MAF: variants seen among roughly 807,000 people sequenced by gnomAD.
The protein encoded by MAF is MAF bZIP transcription factor.
MAF carries 10 observed loss-of-function variants against 22.0 expected under a neutral mutation model. The observed-to-expected ratio is 0.45, with a 90% CI of 0.28 to 0.77. The LOEUF (loss-of-function observed/expected upper bound fraction) is 0.77, where lower values mean the gene tolerates loss of function less well. Among genes scored for constraint, MAF ranks in the 30% least tolerant of loss-of-function variants. MAF has a pLI of 0.12. For missense variants in MAF, 544 were observed against 548.4 expected (o/e 0.99, Z 0.08); for synonymous variants, 337 against 255.8 (o/e 1.32, Z -3.03).
the MAF span, among the ~76,000 whole-genome samples, chr16:79,489,672 G>T: frequency 6.6e-6 from 1 of 152,232 alleles, no homozygotes; most frequent in Non-Finnish European, 1.5e-5. Context: ...GAGATGGCCC[G>T]AGAAGCTGAA....
chr16:79,475,225 G>T, the MAF span, among the ~76,000 whole-genome samples: 1 of 151,676 alleles, frequency 6.6e-6, no homozygotes, highest in African/African-American at 2.4e-5. Context: ...CACTCTGCCA[G>T]GTATGGTCCT....
chr16:79,211,162 A>C, the MAF span, among the ~76,000 whole-genome samples: 2 of 152,058 alleles, frequency 1.3e-5, no homozygotes, highest in Admixed American at 6.6e-5. Flanking sequence ...TTTCTACCTG[A>C]TGGACCACAA....
At chr16:79,390,977 C>T in the MAF span, among the ~76,000 whole-genome samples, 2 of 152,130 alleles carry the variant, frequency 1.3e-5, no homozygotes, top group African/African-American at 2.4e-5. Flanking sequence ...AGATTTATTT[C>T]GGGACAGAAG....
chr16:79,301,751 T>C, the MAF span, among the ~76,000 whole-genome samples: 1 of 152,194 alleles, frequency 6.6e-6, no homozygotes, highest in South Asian at 2.1e-4. Flanking sequence ...CACACACACA[T>C]ATGTAGCCAT....
At chr16:79,439,335 C>T in the MAF span, among the ~76,000 whole-genome samples, 46 of 147,898 alleles carry the variant, frequency 3.1e-4, no homozygotes, top group Non-Finnish European at 5.8e-4. Flanking sequence ...AATCTTGGCT[C>T]ACTGCAAGCT....
chr16:79,599,652 T>C lies in MAF; in HGVS notation c.251A>G (p.Gln84Arg), dbSNP rs1197303267. ...GTAGTAGTCTTCCAGGTGCGCCTTC[T>C]GCTCGCTGCCCGAGCCCGGGCTGGG... ...SAPSPGSGSE[Q>R]KAHLEDYYWM... The change falls in exon 1 of 2, where the codon CAG becomes CGG. Residue 84 changes from glutamine (Q) to arginine (R), a missense_variant. By Grantham distance (43) the Gln-to-Arg change is conservative (BLOSUM62 1). Around this residue, in one of 5 missense-constraint regions of MAF, gnomAD observed 342 missense variants for 315.5 expected, o/e 1.08. Transcript: ENST00000326043. The C allele has an allele frequency of 6.2e-7, 1 of 1,612,016 alleles. No homozygotes were observed. The highest frequency in any genetic ancestry group is 8.5e-7 in the Non-Finnish European group (1 of 1,179,578).
the MAF span, among the ~76,000 whole-genome samples, chr16:79,357,982 G>C: frequency 6.6e-6 from 1 of 152,154 alleles, no homozygotes; most frequent in East Asian, 1.9e-4. Flanking sequence ...CATTGCTCTT[G>C]GACACCGTGT....
the MAF span, among the ~76,000 whole-genome samples, chr16:79,227,952 A>G: frequency 7.2e-5 from 11 of 152,128 alleles, no homozygotes; most frequent in African/African-American, 2.7e-4. Flanking sequence ...CACACAGGCA[A>G]GACTGCTATG....
the MAF span, among the ~76,000 whole-genome samples, chr16:79,239,181 G>A: frequency 6.6e-6 from 1 of 152,056 alleles, no homozygotes; most frequent in African/African-American, 2.4e-5. Flanking sequence ...TCTCGGTTTT[G>A]TCAAATTCTC....
the MAF span, among the ~76,000 whole-genome samples, chr16:79,319,351 T>C: frequency 6.6e-5 from 10 of 152,358 alleles, no homozygotes; most frequent in South Asian, 4.1e-4. Flanking sequence ...AAGTAAACTT[T>C]AGAAGTTCTA....
the MAF span, among the ~76,000 whole-genome samples, chr16:79,559,545 T>G: frequency 1.3e-5 from 2 of 152,300 alleles, no homozygotes; most frequent in African/African-American, 4.8e-5. Flanking sequence ...ATTAGGTGAT[T>G]GAAAAGCTTG....
chr16:79,538,860 G>C, the MAF span, among the ~76,000 whole-genome samples: 14 of 30,560 alleles, frequency 4.6e-4, no homozygotes, highest in African/African-American at 1.4e-3. Context: ...GAAAAGAAAA[G>C]AAAAGAAAAG....
the MAF span, among the ~76,000 whole-genome samples, chr16:79,271,006 T>C: frequency 1.3e-5 from 2 of 151,882 alleles, no homozygotes; most frequent in Admixed American, 6.6e-5. Flanking sequence ...GTTCAAGTGA[T>C]TCTCCTGCCT....
At chr16:79,546,816 G>A in the MAF span, among the ~76,000 whole-genome samples, 3 of 152,124 alleles carry the variant, frequency 2.0e-5, no homozygotes, top group East Asian at 5.8e-4. Context: ...CCCAACAACT[G>A]ACCAATTATT....
At chr16:79,593,593 G>A (rs1156916935), downstream of MAF, among the ~76,000 whole-genome samples, 1 of 152,226 alleles carries the variant, frequency 6.6e-6, no homozygotes, top group Non-Finnish European at 1.5e-5. Context: ...AAGACTCCCA[G>A]GTAGTTATGG....
the MAF span, among the ~76,000 whole-genome samples, chr16:79,431,919 G>T: frequency 6.6e-6 from 1 of 152,162 alleles, no homozygotes; most frequent in African/African-American, 2.4e-5. Context: ...CTATGCTGAA[G>T]ACTGAGCTGC....
At chr16:79,303,028 A>C in the MAF span, among the ~76,000 whole-genome samples, 3 of 152,148 alleles carry the variant, frequency 2.0e-5, no homozygotes, top group African/African-American at 7.2e-5. Context: ...ATGCACCCAA[A>C]CATGCTTTTA....
At chr16:79,282,791 G>C in the MAF span, among the ~76,000 whole-genome samples, 38 of 152,262 alleles carry the variant, frequency 2.5e-4, 1 homozygote, top group South Asian at 7.9e-3. Flanking sequence ...CCCTTGAACA[G>C]TATTTTATCG....
At chr16:79,325,341 A>G in the MAF span, among the ~76,000 whole-genome samples, 88 of 152,328 alleles carry the variant, frequency 5.8e-4, no homozygotes, top group Non-Finnish European at 8.7e-4. Context: ...CAGCTGGCAG[A>G]TGCTCTGCTA....
Sources: allele counts gnomAD v4.1 joint callset (sites outside exome capture counted in the v4.1 genomes callset), GRCh38; gene constraint gnomAD v4.1.1; regional missense constraint gnomAD v4.1.1; transcripts MANE v1.5; gene names NCBI Gene and HGNC (gene_info 2026-07-23, HGNC 2026-07-21).